Variants in NOP9 observed in about 807,000 individuals in gnomAD.
NOP9 encodes NOP9 nucleolar protein.
Under a neutral mutation model 63.0 loss-of-function variants are expected in NOP9, and 50 were observed. That is an observed-to-expected ratio of 0.79 (90% CI 0.63 to 1.00). The LOEUF (loss-of-function observed/expected upper bound fraction) is 1.00. Ranked by LOEUF, NOP9 falls within the 50% of genes least tolerant of loss-of-function variation. NOP9 has a pLI of 0.00. For synonymous variants in NOP9, 343 were observed against 332.8 expected, an observed-to-expected ratio of 1.03 and a Z score of -0.33; for missense variants, 758 against 803.0, an observed-to-expected ratio of 0.94 and a Z score of 0.68.
chr14:24,303,801 T>A lies in NOP9; in HGVS notation c.1354T>A (p.Tyr452Asn). 6.2e-7 allele frequency: 1 copy of A among 1,614,146 alleles called. No individual in the cohort carries two copies. Among genetic ancestry groups the A allele is most frequent in the African/African-American group, 1.3e-5 (1 of 75,034 alleles). Residue 452 changes from tyrosine (Y) to asparagine (N), a missense_variant, in exon 7 of 10, where the codon TAT (tyrosine) becomes AAT (asparagine). Transcript: ENST00000267425. Reference protein sequence around the residue: ...CVPLFATLMAYEVYYGLTEEE... With the variant: ...CVPLFATLMANEVYYGLTEEE... ...GCCTCTCTTTGCCACTTTGATGGCT[T>A]ATGAGGTGTACTATGGACTGACGGA...
chr14:24,302,484 T>A, intron 5 of NOP9, 60 bp downstream of exon 5: 2 of 1,481,740 alleles, frequency 1.3e-6, no homozygotes, highest in Non-Finnish European at 1.8e-6. Flanking sequence ...GGACCTTATT[T>A]TATGGTCTGT....
the NOP9 span, among the ~76,000 whole-genome samples, chr14:24,287,733 G>A: frequency 6.6e-6 from 1 of 152,128 alleles, no homozygotes; most frequent in Admixed American, 6.5e-5. Context: ...TCCTTTATGT[G>A]TCTGGTTAGT....
chr14:24,277,624 G>A, the NOP9 span, among the ~76,000 whole-genome samples: 11 of 152,226 alleles, frequency 7.2e-5, no homozygotes, highest in Non-Finnish European at 1.5e-4. Context: ...CTGAAGCTCT[G>A]CCCGAGGCCG....
At chr14:24,273,557 T>C in the NOP9 span, among the ~76,000 whole-genome samples, 1 of 152,252 alleles carries the variant, frequency 6.6e-6, no homozygotes, top group Non-Finnish European at 1.5e-5. Context: ...TATATACTTG[T>C]CCTTTCCTAG....
At chr14:24,280,614 G>A in the NOP9 span, among the ~76,000 whole-genome samples, 3 of 152,220 alleles carry the variant, frequency 2.0e-5, no homozygotes, top group South Asian at 2.1e-4. Flanking sequence ...ATTATTGAGC[G>A]CCAGTACAGC....
chr14:24,291,294 AG>A, the NOP9 span: 1 of 1,472,196 alleles, frequency 6.8e-7, no homozygotes, highest in Non-Finnish European at 9.5e-7. Context: ...CCAGTTGGAC[AG>A]GGCACTGCTG....
Position 24,305,570 on chromosome 14 carries a change from T to A in NOP9, c.*475T>A. ...ACTGTCTGCAGGTCCTGAAATTTGA[T>A]GCTGTCATAGTCTTTGCAGTGGGTC... is the stretch of plus-strand genomic sequence containing the variant. On this transcript the variant is annotated 3_prime_UTR_variant, in exon 10 of 10. Transcript: ENST00000267425. 6.4e-7 allele frequency: 1 copy of A among 1,551,382 alleles called. No homozygotes were observed. Among genetic ancestry groups the A allele is most frequent in the Non-Finnish European group, 8.7e-7 (1 of 1,150,676 alleles).
chr14:24,306,735 A>G lies in NOP9; in HGVS notation c.*1640A>G. On this transcript the variant is annotated 3_prime_UTR_variant, in exon 10 of 10. Transcript: ENST00000267425. ...GCTGACCTTTTTCCTCTTTGCTCCTACCATGTCATTGGCATCTCCCCTTGC... is the reference window on the plus strand; with the variant it reads ...GCTGACCTTTTTCCTCTTTGCTCCTGCCATGTCATTGGCATCTCCCCTTGC... The G allele has an allele frequency of 8.5e-6, 5 of 589,228 alleles. No individual in the cohort carries two copies. In the East Asian group the frequency reaches 1.2e-4, roughly 14 times the overall value. 36.5% of individuals were successfully genotyped at this position (589,228 alleles called of 1,614,324 possible).
At chr14:24,291,761 G>T in the NOP9 span, 1 of 888,862 alleles carries the variant, frequency 1.1e-6, no homozygotes, top group Non-Finnish European at 1.8e-6. Flanking sequence ...GGGCCTGTAG[G>T]ACCCAAAGTA....
At chr14:24,292,717 C>T in the NOP9 span, 1 of 1,614,204 alleles carries the variant, frequency 6.2e-7, no homozygotes, top group Non-Finnish European at 8.5e-7. Context: ...GAGGAGATGA[C>T]CACGATGAGC....
At chr14:24,274,823 T>A in the NOP9 span, among the ~76,000 whole-genome samples, 1 of 151,064 alleles carries the variant, frequency 6.6e-6, no homozygotes, top group Non-Finnish European at 1.5e-5. Context: ...TTAGCCAGGA[T>A]GGTCTCGATC....
In NOP9 at chr14:24,303,713, ATTCT is replaced by A; in HGVS notation, c.1285-18_1285-15del. The A allele has an allele frequency of 3.1e-6, 5 of 1,607,416 alleles. No individual in the cohort carries two copies. The highest frequency in any genetic ancestry group is 4.3e-6 in the Non-Finnish European group (5 of 1,174,436). On this transcript the variant is annotated splice_polypyrimidine_tract_variant and intron_variant, in intron 6 of 9. Transcript: ENST00000267425. ...ACGGAGAAGTTCTCAGGTTCATCAT[ATTCT>A]GTCTTCTCCTTTAGGCATTCCACTG...
chr14:24,296,708 G>T (rs1038373689), upstream of NOP9: 1 of 1,614,188 alleles, frequency 6.2e-7, no homozygotes, highest in South Asian at 1.1e-5. Flanking sequence ...GGTCAGAAAT[G>T]TGGAGTTGGG....
chr14:24,306,541 G>C lies in NOP9; in HGVS notation c.*1446G>C. ...TCCAATGCCTGCCCAATGGCAAGAA[G>C]CAAGAAGGGCAGGTCTTATCCCATG... On this transcript the variant is annotated 3_prime_UTR_variant, in exon 10 of 10. Coordinates refer to ENST00000267425, the MANE Select transcript of NOP9 (RefSeq NM_174913.3). The C allele has an allele frequency of 6.2e-7, 1 of 1,614,236 alleles. No homozygotes were observed. The highest frequency in any genetic ancestry group is 8.5e-7 in the Non-Finnish European group (1 of 1,180,030).
chr14:24,288,980 A>ATTTTT, the NOP9 span, among the ~76,000 whole-genome samples: 7 of 144,168 alleles, frequency 4.9e-5, no homozygotes, highest in African/African-American at 1.8e-4. Context: ...CGCCCAGCTA[A>ATTTTT]TTTTTTTTTT....
chr14:24,296,800 C>G, upstream of NOP9: 1 of 1,614,244 alleles, frequency 6.2e-7, no homozygotes, highest in Non-Finnish European at 8.5e-7. Flanking sequence ...TCCCGATCCA[C>G]TTGCTCAAAC....
the NOP9 span, among the ~76,000 whole-genome samples, chr14:24,273,718 C>G: frequency 6.6e-6 from 1 of 152,214 alleles, no homozygotes; most frequent in Non-Finnish European, 1.5e-5. Context: ...TGCACACACA[C>G]AGAATTACAG....
At position 24,300,835 on chromosome 14, in the gene NOP9, G is replaced by T. The variant is rs986154967; in HGVS notation, c.675G>T (p.Arg225Ser). Residue 225 changes from arginine (R) to serine (S), a missense_variant, in exon 2 of 10, where the codon AGG (arginine) becomes AGT (serine). Arg to Ser is a moderately radical substitution (Grantham distance 110). Transcript: ENST00000267425. Reference protein sequence around the residue: ...GGTILESERARPRGSQSSEAQ... With the variant: ...GGTILESERASPRGSQSSEAQ... ...CTATTCTGGAGTCTGAGAGAGCCAG[G>T]CCCCGTGGTTCCCAATCATCTGGTA... 2 of 1,613,228 alleles carry T rather than the reference G, an allele frequency of 1.2e-6. No individual in the cohort carries two copies. Among genetic ancestry groups the T allele is most frequent in the African/African-American group, 2.7e-5 (2 of 74,908 alleles).
Position 24,307,968 on chromosome 14 carries a change from A to C in NOP9, c.*2873A>C. The C allele has an allele frequency of 9.8e-7, 1 of 1,025,226 alleles. No homozygotes were observed. The highest frequency in any genetic ancestry group is 1.5e-6 in the Non-Finnish European group (1 of 671,164). 63.5% of individuals were successfully genotyped at this position (1,025,226 alleles called of 1,614,324 possible). A position where few individuals can be genotyped will look rare whatever the true frequency, so the allele number is the denominator to read the frequency against. On this transcript the variant is annotated 3_prime_UTR_variant, in exon 10 of 10. Transcript: ENST00000267425. ...AAACCTGGGATCTCAGCCCAGGACA[A>C]GGTGGGAATGAGTCAAGCCTGGACT...
Sources: allele counts gnomAD v4.1 joint callset (sites outside exome capture counted in the v4.1 genomes callset), GRCh38; gene constraint gnomAD v4.1.1; transcripts MANE v1.5; gene names NCBI Gene and HGNC (gene_info 2026-07-23, HGNC 2026-07-21).